Variants in DENND5B observed in about 807,000 individuals in gnomAD.
The protein encoded by DENND5B is DENN domain-containing protein 5B.
Under a neutral mutation model 140.6 loss-of-function variants are expected in DENND5B, and 34 were observed. The ratio of observed to expected loss-of-function variants is 0.24; its 90% CI spans 0.18 to 0.32. The LOEUF (loss-of-function observed/expected upper bound fraction) is 0.32. DENND5B is among the 10% of genes least tolerant of loss of function. The pLI, the probability that DENND5B is intolerant of heterozygous loss-of-function variation, is 1.00. For missense variants in DENND5B, 1,142 were observed against 1,560.2 expected, an observed-to-expected ratio of 0.73 and a Z score of 4.52; for synonymous variants, 551 against 562.1, an observed-to-expected ratio of 0.98 and a Z score of 0.28.
At chr12:31,564,943 T>C (rs890578686) in intron 1 of DENND5B, among the ~76,000 whole-genome samples, 1 of 152,104 alleles carries the variant, frequency 6.6e-6, no homozygotes, top group African/African-American at 2.4e-5. Flanking sequence ...TCAGCGGAGA[T>C]GGCATCAAAA....
In DENND5B at chr12:31,480,031, A is replaced by G. The variant is rs1027713491; in HGVS notation, c.462T>C (p.Ser154=). 1.2e-6 allele frequency: 2 copies of G among 1,614,018 alleles called. No homozygotes were observed. Among genetic ancestry groups the G allele is most frequent in the Admixed American group, 1.7e-5 (1 of 60,026 alleles). The change falls in exon 3 of 21, where the codon AGT becomes AGC. Residue 154 remains serine, a synonymous_variant. Transcript: ENST00000389082. The part of the protein sequence containing the change: ...YSSVYASSSC[S]MDSLASSLDE... ...CAAGACTACTTGCCAATGAGTCCAT[A>G]CTGCAGGAAGATGAAGCATACACAC... is the stretch of plus-strand genomic sequence containing the variant.
At chr12:31,566,001 T>C (rs558454233) in intron 1 of DENND5B, among the ~76,000 whole-genome samples, 39 of 151,978 alleles carry the variant, frequency 2.6e-4, no homozygotes, top group African/African-American at 8.9e-4. Flanking sequence ...AAAAATTAGC[T>C]GGGCATGGTG....
intron 1 of DENND5B, among the ~76,000 whole-genome samples, chr12:31,588,869 A>C (rs897460260): frequency 6.6e-6 from 1 of 152,224 alleles, no homozygotes; most frequent in Non-Finnish European, 1.5e-5. Flanking sequence ...ATGATACTGA[A>C]ATATTACAAG....
intron 6 of DENND5B, among the ~76,000 whole-genome samples, chr12:31,443,276 T>C (rs936007465): frequency 6.6e-6 from 1 of 152,174 alleles, no homozygotes; most frequent in African/African-American, 2.4e-5. Context: ...CGTTTCATCA[T>C]GTTGCTCAGG....
chr12:31,571,617 A>ATTTTT (rs5797419), intron 1 of DENND5B, among the ~76,000 whole-genome samples: 1 of 148,216 alleles, frequency 6.7e-6, no homozygotes. Context: ...AAAAGCCACA[A>ATTTTT]TTTTTTTTTT....
At chr12:31,409,940 T>A (rs1942362804) in intron 13 of DENND5B, among the ~76,000 whole-genome samples, 1 of 152,194 alleles carries the variant, frequency 6.6e-6, no homozygotes, top group Non-Finnish European at 1.5e-5. Flanking sequence ...CTGGCCCTCA[T>A]TAAGCCTTGA....
chr12:31,451,945 C>T lies in DENND5B; in HGVS notation c.1624G>A (p.Asp542Asn). 6.2e-7 allele frequency: 1 copy of T among 1,613,074 alleles called. No individual in the cohort carries two copies. The highest frequency in any genetic ancestry group is 8.5e-7 in the Non-Finnish European group (1 of 1,179,720). Reference sequence around the variant, plus strand: ...AAAACTATGGTTCTTTTTACTTTGTCAAAGTTCTGCATCTGTTCCCGGTTG... The same window carrying T: ...AAAACTATGGTTCTTTTTACTTTGTTAAAGTTCTGCATCTGTTCCCGGTTG... Reference protein sequence around the residue: ...LTNREQMQNFDKASFLSDQPE... With the variant: ...LTNREQMQNFNKASFLSDQPE... Residue 542 changes from aspartate to asparagine, a missense_variant, in exon 5 of 21, where the codon GAC (aspartate) becomes AAC (asparagine). Transcript: ENST00000389082.
chr12:31,587,101 C>G (rs1331275236), intron 1 of DENND5B, among the ~76,000 whole-genome samples: 2 of 152,102 alleles, frequency 1.3e-5, no homozygotes, highest in East Asian at 1.9e-4. Flanking sequence ...TAGAATGGCC[C>G]CAGGGCTCAA....
chr12:31,525,668 G>A (rs1020902916), intron 1 of DENND5B, among the ~76,000 whole-genome samples: 2 of 152,078 alleles, frequency 1.3e-5, no homozygotes, highest in Non-Finnish European at 2.9e-5. Flanking sequence ...ATATGTATAC[G>A]TTAATAATAT....
intron 7 of DENND5B, among the ~76,000 whole-genome samples, chr12:31,438,859 C>T (rs944291611): frequency 3.3e-5 from 5 of 151,966 alleles, no homozygotes; most frequent in African/African-American, 9.7e-5. Context: ...TACTAGCTAA[C>T]GGACTTATAT....
intron 7 of DENND5B, among the ~76,000 whole-genome samples, chr12:31,438,605 CACATTAAGATTCTGAAACAGAATATAA>C (rs2137923043): frequency 6.6e-6 from 1 of 152,164 alleles, no homozygotes; most frequent in East Asian, 1.9e-4. Context: ...CCACAAAAAA[CACATTAAGATTCTGAAACAGAATATAA>C]ACACAACCTG....
chr12:31,565,966 GC>G (rs1345415381), intron 1 of DENND5B, among the ~76,000 whole-genome samples: 3 of 151,462 alleles, frequency 2.0e-5, no homozygotes, highest in Non-Finnish European at 4.4e-5. Flanking sequence ...ACATGGTAAA[GC>G]CCCATCTCTA....
chr12:31,473,187 C>T (rs1416887914), intron 3 of DENND5B, among the ~76,000 whole-genome samples: 1 of 152,204 alleles, frequency 6.6e-6, no homozygotes, highest in East Asian at 1.9e-4. Flanking sequence ...ATCCTCCTGC[C>T]TCAACCTCCC....
At chr12:31,536,610 T>C (rs1306617971) in intron 1 of DENND5B, among the ~76,000 whole-genome samples, 2 of 151,902 alleles carry the variant, frequency 1.3e-5, no homozygotes, top group Non-Finnish European at 2.9e-5. Context: ...TAAGAGTTAC[T>C]GGTCTTCAGG....
intron 1 of DENND5B, among the ~76,000 whole-genome samples, chr12:31,525,748 TG>T (rs1185918744): frequency 5.3e-5 from 8 of 152,200 alleles, no homozygotes; most frequent in Admixed American, 2.6e-4. Context: ...CCCAGCACTT[TG>T]GGAGGCTGAG....
Position 31,590,804 on chromosome 12 carries a change from G to C in DENND5B, c.29C>G (p.Pro10Arg), listed in dbSNP as rs1424482197. The C allele has an allele frequency of 1.1e-5, 14 of 1,308,800 alleles. No homozygotes were observed. The allele number at this position is 1,308,800 out of a possible 1,614,324, so 81.1% of individuals were successfully genotyped here. A position where few individuals can be genotyped will look rare whatever the true frequency, so the allele number is the denominator to read the frequency against. The change falls in exon 1 of 21, where the codon CCG becomes CGG. Residue 10 changes from proline to arginine, a missense_variant. Pro to Arg is a moderately radical substitution (Grantham distance 103). Transcript: ENST00000389082. MSGSCAAPG[P>R]GSGSSPAACR... ...GGCGGCCGGGGAGGAGCCCGAGCCC[G>C]GGCCGGGCGCCGCGCAGCTCCCGCT...
At chr12:31,481,840 C>T (rs1565624121) in intron 2 of DENND5B, among the ~76,000 whole-genome samples, 1 of 152,076 alleles carries the variant, frequency 6.6e-6, no homozygotes, top group Non-Finnish European at 1.5e-5. Flanking sequence ...TCTTGGAACA[C>T]TAAGGGGAGT....
intron 14 of DENND5B, among the ~76,000 whole-genome samples, chr12:31,403,912 A>G (rs1941972497): frequency 6.7e-6 from 1 of 150,204 alleles, no homozygotes; most frequent in African/African-American, 2.4e-5. Context: ...AAAAAAAAAA[A>G]AAAAAAAAAA....
intron 6 of DENND5B, among the ~76,000 whole-genome samples, chr12:31,443,586 G>C (rs991531818): frequency 2.0e-5 from 3 of 152,086 alleles, no homozygotes; most frequent in African/African-American, 7.2e-5. Context: ...ATGGTTCTAA[G>C]TACAACATTA....
Sources: gnomAD v4.1 joint callset for allele counts (sites outside exome capture counted in the v4.1 genomes callset) on GRCh38, gnomAD v4.1.1 for gene constraint, MANE v1.5 for transcripts, NCBI Gene and HGNC (gene_info 2026-07-23, HGNC 2026-07-21) for gene names.